The following DIP2C variants were observed in gnomAD, a reference collection of about 807,000 sequenced individuals.
DIP2C encodes disco-interacting protein 2 homolog C.
Under a neutral mutation model 192.4 loss-of-function variants are expected in DIP2C, and 33 were observed. The observed-to-expected ratio is 0.17, with a 90% CI of 0.13 to 0.23. DIP2C has a LOEUF of 0.23. Ranked by LOEUF, DIP2C falls within the 10% of genes least tolerant of loss-of-function variation. The pLI, the probability that DIP2C is intolerant of heterozygous loss-of-function variation, is 1.00. For missense variants in DIP2C, 1,537 were observed against 2,110.1 expected (o/e 0.73, Z 5.32); for synonymous variants, 979 against 864.1 (o/e 1.13, Z -2.33).
intron 1 of DIP2C, among the ~76,000 whole-genome samples, chr10:579,507 G>T (rs1442652002): frequency 6.6e-6 from 1 of 151,832 alleles, no homozygotes; most frequent in African/African-American, 2.4e-5. Flanking sequence ...CACTATGTGT[G>T]TACATGCAGA....
chr10:378,410 T>G (rs915502283), intron 17 of DIP2C, among the ~76,000 whole-genome samples: 36 of 151,950 alleles, frequency 2.4e-4, no homozygotes, highest in African/African-American at 8.7e-4. Context: ...AAGACAGACA[T>G]GAAGGCATGC....
In DIP2C at chr10:486,510, A is replaced by G. The variant is rs779517181; in HGVS notation, c.106T>C (p.Tyr36His). Reference protein sequence around the residue: ...LSEGDITQKGYEKKRSKLIGA... With the variant: ...LSEGDITQKGHEKKRSKLIGA... ...ATTAACTTTGACCTCTTCTTTTCATATCCTTTTTGTGTGATGTCACCTGCA... is the reference window on the plus strand; with the variant it reads ...ATTAACTTTGACCTCTTCTTTTCATGTCCTTTTTGTGTGATGTCACCTGCA... Residue 36 changes from tyrosine to histidine, a missense_variant, in exon 2 of 37, where the codon TAT becomes CAT. By Grantham distance (83) the Tyr-to-His change is moderately conservative. Coordinates refer to ENST00000280886, the MANE Select transcript of DIP2C (RefSeq NM_014974.3). 1 of 1,605,978 alleles carries G rather than the reference A, an allele frequency of 6.2e-7. No homozygotes were observed. Among genetic ancestry groups the G allele is most frequent in the Non-Finnish European group, 8.5e-7 (1 of 1,176,376 alleles).
intron 1 of DIP2C, among the ~76,000 whole-genome samples, chr10:553,319 G>A (rs554249329): frequency 3.0e-4 from 46 of 152,344 alleles, no homozygotes; most frequent in African/African-American, 9.1e-4. Context: ...GCAGGGCTGC[G>A]TGTGTGGCGC....
chr10:590,104 G>C (rs930029191), intron 1 of DIP2C, among the ~76,000 whole-genome samples: 2 of 152,216 alleles, frequency 1.3e-5, no homozygotes, highest in African/African-American at 2.4e-5. Context: ...GGGAGGTCCC[G>C]GGAGTGACGT....
chr10:419,023 A>T (rs761277846), intron 6 of DIP2C, 42 bp downstream of exon 6: 1 of 1,613,484 alleles, frequency 6.2e-7, no homozygotes, highest in South Asian at 1.1e-5. Flanking sequence ...GTCAGCACAA[A>T]CCGTTTACCA....
intron 1 of DIP2C, among the ~76,000 whole-genome samples, chr10:546,536 G>C (rs561031259): frequency 1.3e-5 from 2 of 152,308 alleles, no homozygotes; most frequent in African/African-American, 2.4e-5. Flanking sequence ...TATACAGTTA[G>C]GAAGAAGTAT....
At position 297,241 on chromosome 10, in the gene DIP2C, T is replaced by TACACACACACACACAC. The variant is rs140637166; in HGVS notation, c.3987-8836_3987-8821dup. ...ACCAACCCCCCCCCACCCCACCACA[T>TACACACACACACACAC]ACACACACACACACACACACACACA... On this transcript the variant is annotated intron_variant, in intron 32 of 36. Coordinates refer to ENST00000280886, the MANE Select transcript of DIP2C (RefSeq NM_014974.3). Among the ~76,000 whole-genome samples the TACACACACACACACAC allele has an allele frequency of 3.5e-4, 41 of 115,620 alleles. 1 individual carries two copies. Among genetic ancestry groups the TACACACACACACACAC allele is most frequent in the African/African-American group, 1.3e-3 (37 of 29,280 alleles). 75.9% of individuals were successfully genotyped at this position (115,620 alleles called of 152,430 possible).
chr10:486,728 A>G (rs758001835), intron 1 of DIP2C, among the ~76,000 whole-genome samples, 198 bp from the exon 2 acceptor site: 43 of 152,198 alleles, frequency 2.8e-4, no homozygotes, highest in Non-Finnish European at 4.4e-4. Flanking sequence ...GTAAGTCACT[A>G]AAACTCATTT....
chr10:512,928 A>G (rs1362020781), intron 1 of DIP2C, among the ~76,000 whole-genome samples: 2 of 150,994 alleles, frequency 1.3e-5, no homozygotes, highest in East Asian at 1.9e-4. Flanking sequence ...TCAGGAAAAA[A>G]AAAAAAAAAA....
chr10:499,762 G>T (rs1007573093), intron 1 of DIP2C, among the ~76,000 whole-genome samples: 3 of 152,228 alleles, frequency 2.0e-5, no homozygotes, highest in Non-Finnish European at 4.4e-5. Context: ...TTCGAGATGA[G>T]ATTTGGGTGG....
intron 1 of DIP2C, among the ~76,000 whole-genome samples, chr10:543,737 T>C (rs183986122): frequency 6.6e-6 from 1 of 152,358 alleles, no homozygotes; most frequent in African/African-American, 2.4e-5. Flanking sequence ...AGTTCTTTAG[T>C]TTCTTTTTAC....
chr10:348,893 G>A (rs566683106), intron 25 of DIP2C, 131 bp from the exon 26 acceptor site: 24 of 1,367,884 alleles, frequency 1.8e-5, no homozygotes, highest in Admixed American at 2.5e-5. Context: ...CACAGCCTCC[G>A]TCATCCTGGC....
intron 34 of DIP2C, among the ~76,000 whole-genome samples, chr10:285,354 C>T (rs1421148402): frequency 6.6e-6 from 1 of 152,184 alleles, no homozygotes; most frequent in East Asian, 1.9e-4. Context: ...ACGCCTCCCA[C>T]ATGTGCTGCT....
In DIP2C at chr10:689,405, G is replaced by T. The variant is rs901306224; in HGVS notation, c.85+89C>A. On this transcript the variant is annotated intron_variant, in intron 1 of 36. Transcript: ENST00000280886. The surrounding 1 kb of genome is among the most constrained non-coding windows in gnomAD (Gnocchi z 6.1). The stretch of plus-strand genomic sequence containing the variant: ...ACCTCCCCCTCCGGGCCCGGCCCCC[G>T]CCCCGCCGCAGGCCCCGCGCCCCCA... 2 of 769,138 alleles carry T rather than the reference G, an allele frequency of 2.6e-6. No individual in the cohort carries two copies. The highest frequency in any genetic ancestry group is 5.8e-5 in the South Asian group (1 of 17,332). 47.6% of individuals were successfully genotyped at this position (769,138 alleles called of 1,614,324 possible).
At position 486,444 on chromosome 10, in the gene DIP2C, A is replaced by G; in HGVS notation, c.157+15T>C. 1 of 1,593,312 alleles carries G rather than the reference A, an allele frequency of 6.3e-7. No homozygotes were observed. The highest frequency in any genetic ancestry group is 8.5e-7 in the Non-Finnish European group (1 of 1,170,582). On this transcript the variant is annotated intron_variant, in intron 2 of 36. Coordinates refer to ENST00000280886, the MANE Select transcript of DIP2C (RefSeq NM_014974.3). ...GGAAATGAGAGGACTCATGCTACTC[A>G]TGGGGGTTACCTACTCGGAGGCTGC... is the stretch of plus-strand genomic sequence containing the variant.
At chr10:476,548 C>A (rs12762333) in intron 2 of DIP2C, among the ~76,000 whole-genome samples, 1 of 152,208 alleles carries the variant, frequency 6.6e-6, no homozygotes, top group Non-Finnish European at 1.5e-5. Context: ...CAAGGAAATG[C>A]AGGTGCAGAA....
At chr10:452,720 T>G (rs1459839652) in intron 3 of DIP2C, among the ~76,000 whole-genome samples, 1 of 152,178 alleles carries the variant, frequency 6.6e-6, no homozygotes, top group Non-Finnish European at 1.5e-5. Context: ...GCTCTGCTGG[T>G]GCCCTCCTGC....
chr10:286,756 T>A (rs1425785425), intron 33 of DIP2C, among the ~76,000 whole-genome samples: 1 of 152,214 alleles, frequency 6.6e-6, no homozygotes, highest in East Asian at 1.9e-4. Flanking sequence ...TTTAAGATAT[T>A]TACATAGAGT....
At chr10:603,433 C>G (rs968014820) in intron 1 of DIP2C, among the ~76,000 whole-genome samples, 2 of 150,804 alleles carry the variant, frequency 1.3e-5, no homozygotes, top group African/African-American at 4.9e-5. Context: ...GGACCTCTGT[C>G]TCTGATGTGC....
Sources: allele counts gnomAD v4.1 joint callset (sites outside exome capture counted in the v4.1 genomes callset), GRCh38; gene constraint gnomAD v4.1.1; non-coding constraint Gnocchi (gnomAD v3.1); transcripts MANE v1.5; gene names NCBI Gene and HGNC (gene_info 2026-07-23, HGNC 2026-07-21).